The following NDUFA10 variants were observed in gnomAD, a reference collection of about 807,000 sequenced individuals.
The protein encoded by NDUFA10 is NADH:ubiquinone oxidoreductase subunit A10.
A neutral mutation model predicts 47.8 loss-of-function variants in NDUFA10; 40 were observed. That is an observed-to-expected ratio of 0.84 (90% CI 0.65 to 1.09). NDUFA10 has a LOEUF of 1.09. Among genes scored for constraint, NDUFA10 ranks in the 50% least tolerant of loss-of-function variants. The pLI is 0.00. For synonymous variants in NDUFA10, 183 were observed against 172.2 expected, an observed-to-expected ratio of 1.06 and a Z score of -0.49; for missense variants, 413 against 451.1, an observed-to-expected ratio of 0.92 and a Z score of 0.76.
chr2:239,979,851 C>A (rs1695698616), intron 9 of NDUFA10, among the ~76,000 whole-genome samples: 1 of 152,138 alleles, frequency 6.6e-6, no homozygotes, highest in African/African-American at 2.4e-5. Flanking sequence ...CCTTGGCCTG[C>A]TGCCTTTTCA....
intron 7 of NDUFA10, 80 bp from the exon 8 acceptor site, chr2:240,005,375 G>A: frequency 8.6e-7 from 1 of 1,163,114 alleles, no homozygotes; most frequent in Non-Finnish European, 1.3e-6. Flanking sequence ...TTGAGACAGG[G>A]TCCGGCTCTA....
At chr2:239,912,503 C>G (rs925267153) in intron 4 of NDUFA10, among the ~76,000 whole-genome samples, 2 of 152,222 alleles carry the variant, frequency 1.3e-5, no homozygotes, top group African/African-American at 4.8e-5. Context: ...GCTGCTCACC[C>G]TTCTGGGGTC....
chr2:239,927,057 T>C (rs1694078514), intron 4 of NDUFA10, among the ~76,000 whole-genome samples: 1 of 151,978 alleles, frequency 6.6e-6, no homozygotes, highest in African/African-American at 2.4e-5. Context: ...TCCCACCAGG[T>C]CCCTCCCACA....
chr2:239,958,940 G>C lies in NDUFA10; in HGVS notation c.*2178C>G, dbSNP rs2106390285. On this transcript the variant is annotated 3_prime_UTR_variant, in exon 10 of 10. Coordinates refer to ENST00000252711, the MANE Select transcript of NDUFA10 (RefSeq NM_004544.4). ...CGATTATTTTGATCCTGGTTTGTTG[G>C]TGCTGTTGTTTTAGTTGTAAGAGCT... The C allele has an allele frequency of 1.0e-6, 1 of 985,398 alleles. No homozygotes were observed. The highest frequency in any genetic ancestry group is 1.2e-6 in the Non-Finnish European group (1 of 829,904). 61.0% of individuals were successfully genotyped at this position (985,398 alleles called of 1,614,324 possible).
chr2:239,978,872 C>A (rs144411253), intron 9 of NDUFA10, among the ~76,000 whole-genome samples: 11 of 152,204 alleles, frequency 7.2e-5, no homozygotes, highest in African/African-American at 2.7e-4. Context: ...GTCTTCCCAC[C>A]GTTTGTATGC....
In NDUFA10 at chr2:239,959,720, G is replaced by A. The variant is rs1364633017; in HGVS notation, c.*1398C>T. Reference sequence around the variant, plus strand: ...GGAAAGAGGCAGGGAGGAAAACAAGGACAGACGGAAGGAAGGAAGAGAAGG... The same window carrying A: ...GGAAAGAGGCAGGGAGGAAAACAAGAACAGACGGAAGGAAGGAAGAGAAGG... On this transcript the variant is annotated 3_prime_UTR_variant, in exon 10 of 10. Transcript: ENST00000252711. 4 of 791,202 alleles carry A rather than the reference G, an allele frequency of 5.1e-6. No homozygotes were observed. The East Asian group carries it at 5.1e-4, about 101-fold the overall frequency. The allele number at this position is 791,202 out of a possible 1,614,324, so 49.0% of individuals were successfully genotyped here.
chr2:239,997,082 T>C (rs1234575299), intron 8 of NDUFA10, among the ~76,000 whole-genome samples: 1 of 152,136 alleles, frequency 6.6e-6, no homozygotes, highest in Non-Finnish European at 1.5e-5. Flanking sequence ...TATTGGCTTT[T>C]TTCCCAAATA....
In NDUFA10 at chr2:239,960,678, G is replaced by C. The variant is rs1694815508; in HGVS notation, c.*440C>G. Reference sequence around the variant, plus strand: ...ACCACACCAAACAGGGCCCAGAGCAGCGTGTGTGCACGTGTGCAGTTTCGA... The same window carrying C: ...ACCACACCAAACAGGGCCCAGAGCACCGTGTGTGCACGTGTGCAGTTTCGA... On this transcript the variant is annotated 3_prime_UTR_variant, in exon 10 of 10. Coordinates refer to ENST00000252711, the MANE Select transcript of NDUFA10 (RefSeq NM_004544.4). 3 of 1,121,730 alleles carry C rather than the reference G, an allele frequency of 2.7e-6. No individual in the cohort carries two copies. Among genetic ancestry groups the C allele is most frequent in the Non-Finnish European group, 3.3e-6 (3 of 907,710 alleles). The allele number at this position is 1,121,730 out of a possible 1,614,324, so 69.5% of individuals were successfully genotyped here.
At chr2:239,988,896 A>G (rs980828753) in intron 9 of NDUFA10, among the ~76,000 whole-genome samples, 2 of 151,316 alleles carry the variant, frequency 1.3e-5, no homozygotes, top group Non-Finnish European at 2.9e-5. Flanking sequence ...ACAGAAAGGG[A>G]GACACAGCAC....
chr2:239,912,981 T>G (rs1243618597), intron 4 of NDUFA10, among the ~76,000 whole-genome samples: 1 of 152,196 alleles, frequency 6.6e-6, no homozygotes, highest in African/African-American at 2.4e-5. Context: ...CTCCTCCAGC[T>G]CCTTTCCTTC....
chr2:239,924,242 C>G (rs1350765486), intron 4 of NDUFA10, among the ~76,000 whole-genome samples: 1 of 151,958 alleles, frequency 6.6e-6, no homozygotes, highest in South Asian at 2.1e-4. Context: ...AAAGGAAGCA[C>G]AAAAATGAAA....
At chr2:239,921,818 C>A (rs890117464) in intron 4 of NDUFA10, among the ~76,000 whole-genome samples, 1 of 152,136 alleles carries the variant, frequency 6.6e-6, no homozygotes, top group African/African-American at 2.4e-5. Context: ...GATCTGGGGG[C>A]AGGGTGGGGA....
intron 4 of NDUFA10, among the ~76,000 whole-genome samples, chr2:239,933,653 G>A (rs570908640): frequency 2.6e-5 from 4 of 151,980 alleles, no homozygotes; most frequent in East Asian, 3.9e-4. Flanking sequence ...CCAGGGCTAC[G>A]GGGAGTGTCG....
At chr2:240,004,667 A>G (rs1222342067) in intron 8 of NDUFA10, among the ~76,000 whole-genome samples, 1 of 148,502 alleles carries the variant, frequency 6.7e-6, no homozygotes, top group Non-Finnish European at 1.5e-5. Flanking sequence ...TTTTCTGGCC[A>G]CACTGGCTTG....
intron 4 of NDUFA10, among the ~76,000 whole-genome samples, chr2:239,930,280 C>T (rs1171896344): frequency 6.6e-6 from 1 of 151,878 alleles, no homozygotes; most frequent in African/African-American, 2.4e-5. Flanking sequence ...CTCCACCACC[C>T]CTGCTCCTCT....
rs35715497 is a variant in NDUFA10, at chr2:240,022,222, T to C, written c.194A>G (p.Asn65Ser). The C allele has an allele frequency of 1.6e-3, 2,637 of 1,614,156 alleles. 33 individuals carry two copies. In the African/African-American group the frequency reaches 0.031, roughly 19 times the overall value. Residue 65 changes from asparagine (N) to serine (S), a missense_variant, in exon 2 of 10, where the codon AAT becomes AGT. Asn to Ser is a conservative substitution (Grantham distance 46). Transcript: ENST00000252711. Reference sequence around the variant, plus strand: ...AAGTTTGCCTTTTCCAGTACATATATTGCCATCTACAGTTATCACTCTGCT... The same window carrying C: ...AAGTTTGCCTTTTCCAGTACATATACTGCCATCTACAGTTATCACTCTGCT... ...ERSRVITVDG[N>S]ICTGKGKLAK...
chr2:239,952,145 C>G (rs1016326272), intron 4 of NDUFA10, among the ~76,000 whole-genome samples: 3 of 151,584 alleles, frequency 2.0e-5, no homozygotes, highest in South Asian at 2.1e-4. Flanking sequence ...GGCAGACAGC[C>G]TGGCTGCGTC....
downstream of NDUFA10, among the ~76,000 whole-genome samples, chr2:239,956,000 A>C (rs1251158046): frequency 6.6e-6 from 1 of 152,152 alleles, no homozygotes; most frequent in Non-Finnish European, 1.5e-5. Context: ...CCAGCCACCC[A>C]GGAAAGGGAC....
intron 3 of NDUFA10, among the ~76,000 whole-genome samples, chr2:240,020,243 G>A (rs921103159): frequency 2.6e-5 from 4 of 152,172 alleles, no homozygotes; most frequent in African/African-American, 9.7e-5. Flanking sequence ...CCTAGTGGCG[G>A]CTGAGCTTGT....
Sources: gnomAD v4.1 joint callset for allele counts (sites outside exome capture counted in the v4.1 genomes callset) on GRCh38, gnomAD v4.1.1 for gene constraint, MANE v1.5 for transcripts, NCBI Gene and HGNC (gene_info 2026-07-23, HGNC 2026-07-21) for gene names.